SLC25A16: variants seen among roughly 807,000 people sequenced by gnomAD.
SLC25A16 encodes the protein mitochondrial coenzyme A transporter SLC25A16.
A neutral mutation model predicts 41.5 loss-of-function variants in SLC25A16; 39 were observed. That is an observed-to-expected ratio of 0.94 (90% CI 0.73 to 1.23). SLC25A16 has a LOEUF of 1.23. Among genes scored for constraint, SLC25A16 ranks in the 50% most tolerant of loss-of-function variants. The probability of loss-of-function intolerance (pLI) is 0.00; values close to 1 mark genes in which losing one functional copy is unlikely to be tolerated. For missense variants in SLC25A16, 421 were observed against 426.9 expected (o/e 0.99, Z 0.12); for synonymous variants, 146 against 147.8 (o/e 0.99, Z 0.09).
At chr10:68,500,566 C>T (rs575644089) in intron 4 of SLC25A16, among the ~76,000 whole-genome samples, 22 of 151,650 alleles carry the variant, frequency 1.5e-4, no homozygotes, top group African/African-American at 4.8e-4. Context: ...CCTTGGCCTC[C>T]CAAAGTGCTG....
intron 3 of SLC25A16, among the ~76,000 whole-genome samples, chr10:68,504,237 G>A (rs557116658): frequency 5.9e-5 from 9 of 151,628 alleles, no homozygotes; most frequent in East Asian, 1.9e-4. Context: ...GGCTGGTCTC[G>A]AACTCCTGAC....
At chr10:68,493,068 A>G (rs1481317106) in intron 6 of SLC25A16, 64 bp downstream of exon 6, 3 of 870,770 alleles carry the variant, frequency 3.4e-6, no homozygotes, top group African/African-American at 4.3e-5. Flanking sequence ...CATTTCAGAA[A>G]AAAAAAAAAA....
chr10:68,522,276 C>G (rs528041995), intron 1 of SLC25A16, among the ~76,000 whole-genome samples: 131 of 152,132 alleles, frequency 8.6e-4, no homozygotes, highest in Non-Finnish European at 1.6e-3. Flanking sequence ...AGGCTACATA[C>G]TATATGACCC....
rs145361228 is a variant in SLC25A16, at chr10:68,483,497, T to G, written c.934A>C (p.Ile312Leu). The G allele has an allele frequency of 1.7e-5, 28 of 1,612,866 alleles. No homozygotes were observed. The highest frequency in any genetic ancestry group is 2.4e-5 in the Non-Finnish European group (28 of 1,179,590). The change falls in exon 9 of 9, where the codon ATT becomes CTT. Residue 312 changes from isoleucine (I) to leucine (L), a missense_variant. Ile to Leu is a conservative substitution (Grantham distance 5). Transcript: ENST00000609923. ...GTAAAAGCCACTGCTTGAGAGGGAA[T>G]ACAGCGAATGTAATTAAGAGATAAA... Reference protein sequence around the residue: ...RGLSLNYIRCIPSQAVAFTTY... With the variant: ...RGLSLNYIRCLPSQAVAFTTY...
chr10:68,509,483 G>A lies in SLC25A16; in HGVS notation c.224-2765C>T, dbSNP rs185440489. Among the ~76,000 whole-genome samples, 9 of 152,186 alleles carry A rather than the reference G, an allele frequency of 5.9e-5. No individual in the cohort carries two copies. The East Asian group carries it at 1.7e-3, about 29-fold the overall frequency. On this transcript the variant is annotated intron_variant, in intron 2 of 8. Coordinates refer to ENST00000609923, the MANE Select transcript of SLC25A16 (RefSeq NM_152707.4). ...TAATCTGAGCACTTTGTGGGGCCAA[G>A]GTGGGAGGATCGCTTGAGCCCAGGA... is the stretch of plus-strand genomic sequence containing the variant.
intron 1 of SLC25A16, 148 bp from the exon 2 acceptor site, chr10:68,516,991 G>C: frequency 9.8e-7 from 1 of 1,023,426 alleles, no homozygotes; most frequent in Non-Finnish European, 1.4e-6. Flanking sequence ...GCAGATGACT[G>C]GTCCCCATTT....
chr10:68,494,307 C>G (rs1590100381), intron 4 of SLC25A16, among the ~76,000 whole-genome samples: 1 of 147,980 alleles, frequency 6.8e-6, no homozygotes, highest in African/African-American at 2.5e-5. Flanking sequence ...ACTAAAAATA[C>G]AAAAATTAGC....
chr10:68,511,565 C>A (rs900789663), intron 2 of SLC25A16, among the ~76,000 whole-genome samples: 1 of 152,320 alleles, frequency 6.6e-6, no homozygotes, highest in South Asian at 2.1e-4. Flanking sequence ...CACACTGATA[C>A]GCAGAGTAAT....
At chr10:68,520,558 T>C (rs1165951301) in intron 1 of SLC25A16, among the ~76,000 whole-genome samples, 3 of 151,888 alleles carry the variant, frequency 2.0e-5, no homozygotes, top group African/African-American at 7.3e-5. Context: ...ACACCTGTAA[T>C]CCCAGCACTT....
chr10:68,503,003 G>C, intron 4 of SLC25A16: 1 of 150,976 alleles, frequency 6.6e-6, no homozygotes, highest in Non-Finnish European at 1.5e-5. Context: ...AGAGAGAAGA[G>C]AGGGAAAGGA....
chr10:68,488,600 T>G lies in SLC25A16; in HGVS notation c.640A>C (p.Lys214Gln), dbSNP rs2052604539. 2.5e-6 allele frequency: 4 copies of G among 1,613,156 alleles called. No individual in the cohort carries two copies. Among genetic ancestry groups the G allele is most frequent in the Non-Finnish European group, 3.4e-6 (4 of 1,179,822 alleles). ...GGAGCATGGGAAAGCCCAACACTCT[T>G]CAAGGTACCAAAAGTAAAAAATGAA... ...GVSFFTFGTL[K>Q]SVGLSHAPTL... Residue 214 changes from lysine to glutamine, a missense_variant, in exon 7 of 9, where the codon AAG becomes CAG. Physicochemically the swap from Lys to Gln is moderately conservative, Grantham distance 53. Coordinates refer to ENST00000609923, the MANE Select transcript of SLC25A16 (RefSeq NM_152707.4).
chr10:68,478,417 G>A lies in SLC25A16; in HGVS notation c.*5015C>T, dbSNP rs1392456003. The A allele has an allele frequency of 6.6e-6, 1 of 152,176 alleles. No homozygotes were observed. The highest frequency in any genetic ancestry group is 1.5e-5 in the Non-Finnish European group (1 of 68,034). 9.4% of individuals were successfully genotyped at this position (152,176 alleles called of 1,614,324 possible). A position where few individuals can be genotyped will look rare whatever the true frequency, so the allele number is the denominator to read the frequency against. ...ATGCGAGGAACTATGTAAAGTGTAT[G>A]CTTGCTATACAAGTGTGTCAGGTAT... On this transcript the variant is annotated 3_prime_UTR_variant, in exon 9 of 9. Transcript: ENST00000609923.
At chr10:68,507,534 T>C (rs1447566131) in intron 2 of SLC25A16, among the ~76,000 whole-genome samples, 1 of 152,126 alleles carries the variant, frequency 6.6e-6, no homozygotes, top group East Asian at 1.9e-4. Flanking sequence ...ATTTTCATTA[T>C]TAGGACACTT....
intron 1 of SLC25A16, among the ~76,000 whole-genome samples, chr10:68,523,367 A>G (rs1005297345): frequency 3.9e-5 from 6 of 152,142 alleles, no homozygotes; most frequent in African/African-American, 1.4e-4. Flanking sequence ...TGCTGAGAAT[A>G]GAGGCCTGAA....
intron 2 of SLC25A16, among the ~76,000 whole-genome samples, chr10:68,507,689 C>T (rs908824464): frequency 6.6e-6 from 1 of 152,118 alleles, no homozygotes; most frequent in Non-Finnish European, 1.5e-5. Context: ...ACTAATCCTA[C>T]AAGCAGTATA....
intron 4 of SLC25A16, among the ~76,000 whole-genome samples, chr10:68,497,217 A>C (rs2052763309): frequency 6.6e-6 from 1 of 152,178 alleles, no homozygotes; most frequent in Admixed American, 6.6e-5. Flanking sequence ...TCCAGAGTCC[A>C]TGTACATATT....
Position 68,527,348 on chromosome 10 carries a change from G to C in SLC25A16, c.28C>G (p.Leu10Val), listed in dbSNP as rs369018810. 2.6e-6 allele frequency: 4 copies of C among 1,513,620 alleles called. No homozygotes were observed. The highest frequency in any genetic ancestry group is 2.9e-5 in the African/African-American group (2 of 69,942). 93.8% of individuals were successfully genotyped at this position (1,513,620 alleles called of 1,614,324 possible). A position where few individuals can be genotyped will look rare whatever the true frequency, so the allele number is the denominator to read the frequency against. The change falls in exon 1 of 9, where the codon CTG (leucine) becomes GTG (valine). Residue 10 changes from leucine to valine, a missense_variant. Coordinates refer to ENST00000609923, the MANE Select transcript of SLC25A16 (RefSeq NM_152707.4). MAAATAAAA[L>V]AAADPPPAMP... ...GCGGGAGGGGGATCGGCCGCCGCCA[G>C]GGCTGCCGCGGCCGTCGCCGCCGCC...
intron 1 of SLC25A16, 74 bp downstream of exon 1, chr10:68,527,172 G>T: frequency 6.8e-7 from 1 of 1,474,946 alleles, no homozygotes; most frequent in Non-Finnish European, 9.1e-7. Flanking sequence ...CATAGAGGCC[G>T]CTTGCATCCC....
intron 1 of SLC25A16, among the ~76,000 whole-genome samples, chr10:68,526,900 T>C (rs1401073448): frequency 1.3e-5 from 2 of 152,134 alleles, no homozygotes; most frequent in African/African-American, 4.8e-5. Flanking sequence ...CACTCACGGT[T>C]TTTATAAAAG....
Sources: allele counts gnomAD v4.1 joint callset (sites outside exome capture counted in the v4.1 genomes callset), GRCh38; gene constraint gnomAD v4.1.1; transcripts MANE v1.5; gene names NCBI Gene and HGNC (gene_info 2026-07-23, HGNC 2026-07-21).